CFAP299: variants seen among roughly 807,000 people sequenced by gnomAD.
CFAP299 encodes the protein cilia- and flagella-associated protein 299.
A neutral mutation model predicts 27.0 loss-of-function variants in CFAP299; 21 were observed. That is an observed-to-expected ratio of 0.78 (90% CI 0.55 to 1.12). The LOEUF (loss-of-function observed/expected upper bound fraction) is 1.12. Ranked by LOEUF, CFAP299 falls within the 50% of genes most tolerant of loss-of-function variation. The pLI is 0.00. For synonymous variants in CFAP299, 104 were observed against 98.1 expected, an observed-to-expected ratio of 1.06 and a Z score of -0.36; for missense variants, 310 against 276.6, an observed-to-expected ratio of 1.12 and a Z score of -0.86.
At chr4:80,947,217 A>T (rs190831887) in intron 5 of CFAP299, among the ~76,000 whole-genome samples, 1 of 152,098 alleles carries the variant, frequency 6.6e-6, no homozygotes, top group African/African-American at 2.4e-5. Context: ...ATTTGAAGAA[A>T]TTTTTTTCCA....
intron 3 of CFAP299, among the ~76,000 whole-genome samples, chr4:80,775,733 G>A (rs189832598): frequency 1.6e-4 from 24 of 152,130 alleles, no homozygotes; most frequent in African/African-American, 4.1e-4. Context: ...GAATATTTTC[G>A]AAAAACTGAC....
In CFAP299 at chr4:80,464,216, G is replaced by A. The variant is rs563184164; in HGVS notation, c.242+101332G>A. The stretch of plus-strand genomic sequence containing the variant: ...GCTAGATCCTTAACATCACTGTACC[G>A]CCAATTGCTTGCTGCAATATTTACT... On this transcript the variant is annotated intron_variant, in intron 2 of 5. Transcript: ENST00000358105. Among the ~76,000 whole-genome samples the A allele has an allele frequency of 3.3e-5, 5 of 152,110 alleles. No individual in the cohort carries two copies. In the South Asian group the frequency reaches 8.3e-4, roughly 25 times the overall value.
intron 2 of CFAP299, among the ~76,000 whole-genome samples, chr4:80,419,067 C>T (rs1012977109): frequency 3.9e-5 from 6 of 152,130 alleles, no homozygotes; most frequent in African/African-American, 1.4e-4. Context: ...GTTCTTGCCT[C>T]CTCAGAAGAA....
intron 4 of CFAP299, among the ~76,000 whole-genome samples, chr4:80,899,895 T>A (rs1453345935): frequency 6.6e-6 from 1 of 152,106 alleles, no homozygotes; most frequent in Non-Finnish European, 1.5e-5. Context: ...TGCAAATTCA[T>A]TGGAAATGTT....
chr4:80,596,889 C>T (rs1003419127), intron 3 of CFAP299, among the ~76,000 whole-genome samples: 1 of 152,006 alleles, frequency 6.6e-6, no homozygotes. Context: ...GAGAACCATC[C>T]ATGTTGTCGT....
chr4:80,428,659 TG>T (rs1234667339), intron 2 of CFAP299, among the ~76,000 whole-genome samples: 1 of 151,776 alleles, frequency 6.6e-6, no homozygotes, highest in Non-Finnish European at 1.5e-5. Flanking sequence ...CACGAGTAGC[TG>T]GGATTACAGG....
At chr4:80,467,715 C>T (rs1729778133) in intron 2 of CFAP299, among the ~76,000 whole-genome samples, 1 of 152,154 alleles carries the variant, frequency 6.6e-6, no homozygotes, top group Non-Finnish European at 1.5e-5. Context: ...TTCATTTTCA[C>T]ACTGCTATAA....
At chr4:80,929,774 G>T (rs13113167) in intron 4 of CFAP299, among the ~76,000 whole-genome samples, 12,000 of 152,100 alleles carry the variant, frequency 0.079, 553 homozygotes, top group Middle Eastern at 0.18. Context: ...TACACCCTCA[G>T]ATGCCCTTAT....
intron 4 of CFAP299, among the ~76,000 whole-genome samples, chr4:80,932,832 A>G (rs1484866632): frequency 1.3e-5 from 2 of 152,194 alleles, no homozygotes; most frequent in Admixed American, 1.3e-4. Flanking sequence ...TCTTGGCACA[A>G]TTATTAGTAG....
intron 4 of CFAP299, among the ~76,000 whole-genome samples, chr4:80,934,390 T>C (rs1736780672): frequency 6.6e-6 from 1 of 152,102 alleles, no homozygotes. Context: ...AGGTGGATTC[T>C]TTGGCTTTTG....
At chr4:80,353,056 CAAAG>C (rs375648178) in intron 1 of CFAP299, among the ~76,000 whole-genome samples, 1 of 152,118 alleles carries the variant, frequency 6.6e-6, no homozygotes, top group African/African-American at 2.4e-5. Flanking sequence ...GAAGGAATAA[CAAAG>C]AGCAGAAATC....
At chr4:80,624,965 AC>A (rs1441343489) in intron 3 of CFAP299, among the ~76,000 whole-genome samples, 1 of 152,150 alleles carries the variant, frequency 6.6e-6, no homozygotes, top group Non-Finnish European at 1.5e-5. Context: ...TCACCACCAG[AC>A]TTGTCTTACA....
At chr4:80,364,460 T>G (rs1723717456) in intron 2 of CFAP299, among the ~76,000 whole-genome samples, 1 of 152,212 alleles carries the variant, frequency 6.6e-6, no homozygotes, top group Admixed American at 6.5e-5. Context: ...CTTTCCTGAC[T>G]CTGGTCCAAG....
intron 3 of CFAP299, among the ~76,000 whole-genome samples, chr4:80,782,981 T>C (rs1212225288): frequency 1.3e-5 from 2 of 151,954 alleles, no homozygotes; most frequent in African/African-American, 4.8e-5. Context: ...TATGACCTTA[T>C]CAGGCAGAGT....
intron 3 of CFAP299, among the ~76,000 whole-genome samples, chr4:80,821,279 C>T (rs1729689950): frequency 6.6e-6 from 1 of 152,124 alleles, no homozygotes; most frequent in South Asian, 2.1e-4. Context: ...AAGCTTCATT[C>T]TTGTTCTTGA....
intron 3 of CFAP299, among the ~76,000 whole-genome samples, chr4:80,616,376 G>A (rs980502411): frequency 6.6e-5 from 10 of 151,692 alleles, no homozygotes; most frequent in African/African-American, 1.2e-4. Context: ...TTATATACAC[G>A]CGTGTACTTT....
Position 80,866,058 on chromosome 4 carries a change from AT to A in CFAP299, c.334-3933del, listed in dbSNP as rs1366098301. On this transcript the variant is annotated intron_variant, in intron 3 of 5. Coordinates refer to ENST00000358105, the MANE Select transcript of CFAP299 (RefSeq NM_152770.3). ...CCTTGTGCACCGTAGAACTTAAAGT[AT>A]TATATATATATATATATATATATAT... 2.0e-4 allele frequency among the ~76,000 whole-genome samples: 4 copies of A among 20,058 alleles called. No individual in the cohort carries two copies. The South Asian group carries it at 9.4e-3, about 47-fold the overall frequency. 13.2% of individuals were successfully genotyped at this position (20,058 alleles called of 152,430 possible). A position where few individuals can be genotyped will look rare whatever the true frequency, so the allele number is the denominator to read the frequency against.
chr4:80,853,019 T>TTTTA (rs149748143), intron 3 of CFAP299, among the ~76,000 whole-genome samples: 501 of 151,442 alleles, frequency 3.3e-3, no homozygotes, highest in Non-Finnish European at 3.6e-3. Flanking sequence ...TTTATTTTCT[T>TTTTA]TTTATTTATT....
At position 80,345,341 on chromosome 4, in the gene CFAP299, T is replaced by C. The variant is rs181924513; in HGVS notation, c.111+9462T>C. Among the ~76,000 whole-genome samples the C allele has an allele frequency of 2.5e-3, 375 of 152,132 alleles. 1 individual carries two copies. The highest frequency in any genetic ancestry group is 8.5e-3 in the South Asian group (41 of 4,818). On this transcript the variant is annotated intron_variant, in intron 1 of 5. Coordinates refer to ENST00000358105, the MANE Select transcript of CFAP299 (RefSeq NM_152770.3). ...GCATAACGTGCAGGTTTGTTACATATGTATATATGTGCCATGTTGGTGTGC... is the reference window on the plus strand; with the variant it reads ...GCATAACGTGCAGGTTTGTTACATACGTATATATGTGCCATGTTGGTGTGC...
Sources: gnomAD v4.1 joint callset for allele counts (sites outside exome capture counted in the v4.1 genomes callset) on GRCh38, gnomAD v4.1.1 for gene constraint, MANE v1.5 for transcripts, NCBI Gene and HGNC (gene_info 2026-07-23, HGNC 2026-07-21) for gene names.